The following ACAP2 variants were observed in gnomAD, a reference collection of about 807,000 sequenced individuals.
The protein encoded by ACAP2 is arf-GAP with coiled-coil, ANK repeat and PH domain-containing protein 2.
Under a neutral mutation model 115.8 loss-of-function variants are expected in ACAP2, and 39 were observed. The ratio of observed to expected loss-of-function variants is 0.34; its 90% CI spans 0.26 to 0.44. ACAP2 has a LOEUF of 0.44. Ranked by LOEUF, ACAP2 falls within the 20% of genes least tolerant of loss-of-function variation. ACAP2 has a pLI of 1.00. For synonymous variants in ACAP2, 289 were observed against 315.8 expected (o/e 0.92, Z 0.90); for missense variants, 662 against 927.6 (o/e 0.71, Z 3.72).
At chr3:195,294,967 T>C (rs1262037074) in intron 17 of ACAP2, among the ~76,000 whole-genome samples, 156 bp from the exon 18 acceptor site, 2 of 152,218 alleles carry the variant, frequency 1.3e-5, no homozygotes. Context: ...TTTTGAACAC[T>C]TAGCTTATCG....
chr3:195,361,559 G>C (rs1482470953), intron 4 of ACAP2, among the ~76,000 whole-genome samples: 1 of 151,894 alleles, frequency 6.6e-6, no homozygotes, highest in Non-Finnish European at 1.5e-5. Flanking sequence ...ATAGCTAAGA[G>C]TGCCTACATC....
chr3:195,388,760 G>A (rs958927832), intron 2 of ACAP2, among the ~76,000 whole-genome samples: 4 of 152,158 alleles, frequency 2.6e-5, no homozygotes, highest in Admixed American at 2.0e-4. Context: ...GGGGGCTCAC[G>A]CCTGTAATCC....
chr3:195,395,110 C>A (rs1179780137), intron 1 of ACAP2, among the ~76,000 whole-genome samples: 2 of 144,590 alleles, frequency 1.4e-5, no homozygotes, highest in East Asian at 4.0e-4. Context: ...ATTTACCCAA[C>A]AATCTTTCAA....
At chr3:195,293,574 G>C (rs1288110464) in intron 18 of ACAP2, among the ~76,000 whole-genome samples, 1 of 152,254 alleles carries the variant, frequency 6.6e-6, no homozygotes, top group East Asian at 1.9e-4. Flanking sequence ...AGGTGTGCTG[G>C]CTGACGCCTA....
chr3:195,337,860 G>A (rs1205963446), intron 6 of ACAP2, among the ~76,000 whole-genome samples: 1 of 147,748 alleles, frequency 6.8e-6, no homozygotes, highest in East Asian at 2.2e-4. Flanking sequence ...TTACCTCTTC[G>A]ACCTAGTTTT....
At chr3:195,291,623 CTT>C (rs1280092621) in intron 20 of ACAP2, 81 bp downstream of exon 20, 1 of 1,144,194 alleles carries the variant, frequency 8.7e-7, no homozygotes, top group East Asian at 2.8e-5. Flanking sequence ...TACCTGAAAA[CTT>C]TAACCTAAGA....
chr3:195,351,128 T>TTTTTTGG (rs1490806667), intron 4 of ACAP2, among the ~76,000 whole-genome samples: 1 of 143,088 alleles, frequency 7.0e-6, no homozygotes, highest in African/African-American at 2.7e-5. Flanking sequence ...TTTTTTTTTT[T>TTTTTTGG]TGGGCGGGGG....
chr3:195,355,447 T>TTTTCC (rs1731898276), intron 4 of ACAP2, among the ~76,000 whole-genome samples: 1 of 152,180 alleles, frequency 6.6e-6, no homozygotes, highest in African/African-American at 2.4e-5. Context: ...CATTTTCCCA[T>TTTTCC]CATAAAAAGT....
chr3:195,427,158 T>C (rs1714747847), intron 1 of ACAP2, among the ~76,000 whole-genome samples: 1 of 152,130 alleles, frequency 6.6e-6, no homozygotes, highest in Non-Finnish European at 1.5e-5. Context: ...AAAGGGGCCA[T>C]GAGCCAAGGA....
intron 22 of ACAP2, among the ~76,000 whole-genome samples, chr3:195,283,053 G>A (rs977779425): frequency 6.6e-6 from 1 of 152,122 alleles, no homozygotes; most frequent in Admixed American, 6.5e-5. Flanking sequence ...ACTTAGATCA[G>A]CGATTCCCAA....
intron 8 of ACAP2, among the ~76,000 whole-genome samples, chr3:195,329,528 T>C (rs1433516324): frequency 6.6e-5 from 10 of 152,144 alleles, no homozygotes; most frequent in Non-Finnish European, 1.3e-4. Flanking sequence ...TGCTAACCCA[T>C]ACTCTTTTTC....
chr3:195,421,801 T>G (rs1049621468), intron 1 of ACAP2, among the ~76,000 whole-genome samples: 1 of 152,240 alleles, frequency 6.6e-6, no homozygotes, highest in Admixed American at 6.5e-5. Context: ...TGTTTTAATT[T>G]CCTTTCATAC....
At chr3:195,352,907 C>T (rs1405861212) in intron 4 of ACAP2, among the ~76,000 whole-genome samples, 3 of 151,926 alleles carry the variant, frequency 2.0e-5, no homozygotes, top group Non-Finnish European at 4.4e-5. Flanking sequence ...ATGGTGAAAC[C>T]CCAACTCTAC....
chr3:195,320,845 T>C, intron 9 of ACAP2, 32 bp from the exon 10 acceptor site: 3 of 1,475,432 alleles, frequency 2.0e-6, no homozygotes, highest in Non-Finnish European at 2.8e-6. Flanking sequence ...GAAGTTCATA[T>C]GACTTGACTA....
intron 9 of ACAP2, 68 bp downstream of exon 9, chr3:195,326,817 C>T: frequency 1.5e-6 from 2 of 1,345,778 alleles, no homozygotes; most frequent in South Asian, 2.4e-5. Context: ...ACAATGATAC[C>T]TTGCATAAAC....
chr3:195,387,350 T>C (rs1183631125), intron 2 of ACAP2, among the ~76,000 whole-genome samples: 1 of 152,220 alleles, frequency 6.6e-6, no homozygotes, highest in African/African-American at 2.4e-5. Context: ...TGCCAGATGA[T>C]AGGAATACAA....
At chr3:195,365,905 G>A (rs1040861370) in intron 4 of ACAP2, among the ~76,000 whole-genome samples, 9 of 149,752 alleles carry the variant, frequency 6.0e-5, no homozygotes, top group Admixed American at 6.7e-5. Context: ...TAGGTGGCGC[G>A]ACCTTAGCTC....
intron 18 of ACAP2, among the ~76,000 whole-genome samples, chr3:195,294,497 G>T (rs1258633247): frequency 2.7e-5 from 4 of 149,154 alleles, no homozygotes; most frequent in Non-Finnish European, 5.9e-5. Flanking sequence ...AGAATCACTT[G>T]AAACTGGAAG....
chr3:195,436,133 A>T (rs190633209), intron 1 of ACAP2, among the ~76,000 whole-genome samples: 30,084 of 110,294 alleles, frequency 0.27, 3,660 homozygotes, highest in East Asian at 0.7. Flanking sequence ...ATATATATAT[A>T]TTTTTTTTTT....
Sources: allele counts gnomAD v4.1 joint callset (sites outside exome capture counted in the v4.1 genomes callset), GRCh38; gene constraint gnomAD v4.1.1; transcripts MANE v1.5; gene names NCBI Gene and HGNC (gene_info 2026-07-23, HGNC 2026-07-21).